LCLAT1: variants seen among roughly 807,000 people sequenced by gnomAD.
LCLAT1 encodes the protein 1-AGP acyltransferase 8.
A neutral mutation model predicts 30.7 loss-of-function variants in LCLAT1; 11 were observed. The ratio of observed to expected loss-of-function variants is 0.36; its 90% CI spans 0.23 to 0.59. LCLAT1 has a LOEUF of 0.59. Ranked by LOEUF, LCLAT1 falls within the 20% of genes least tolerant of loss-of-function variation. The probability of loss-of-function intolerance (pLI) is 0.77; values close to 1 mark genes in which losing one functional copy is unlikely to be tolerated. For synonymous variants in LCLAT1, 155 were observed against 151.3 expected (o/e 1.02, Z -0.18); for missense variants, 402 against 458.6 (o/e 0.88, Z 1.13).
chr2:30,526,323 C>T (rs1229693123), intron 2 of LCLAT1, among the ~76,000 whole-genome samples: 1 of 151,718 alleles, frequency 6.6e-6, no homozygotes, highest in Non-Finnish European at 1.5e-5. Context: ...TGTATTTTTT[C>T]CCTGTATTTT....
chr2:30,539,886 G>C (rs923794242), intron 3 of LCLAT1, among the ~76,000 whole-genome samples: 1 of 152,166 alleles, frequency 6.6e-6, no homozygotes, highest in Admixed American at 6.5e-5. Flanking sequence ...GTTTAAGAAT[G>C]TTAAATAATT....
In LCLAT1 at chr2:30,447,331, A is replaced by C. The variant is rs1236246207; in HGVS notation, c.-57A>C. The C allele has an allele frequency of 6.6e-6, 1 of 152,066 alleles. No individual in the cohort carries two copies. Among genetic ancestry groups the C allele is most frequent in the Non-Finnish European group, 1.5e-5 (1 of 68,082 alleles). The allele number at this position is 152,066 out of a possible 1,614,324, so 9.4% of individuals were successfully genotyped here. ...GAGGTTGTGACCCCTACGGAGCCCCAGCTTGCCCACGCACCCCACTCGGCG... is the reference window on the plus strand; with the variant it reads ...GAGGTTGTGACCCCTACGGAGCCCCCGCTTGCCCACGCACCCCACTCGGCG... On this transcript the variant is annotated 5_prime_UTR_variant, in exon 1 of 6. Coordinates refer to ENST00000379509, the MANE Select transcript of LCLAT1 (RefSeq NM_001002257.3).
intron 1 of LCLAT1, among the ~76,000 whole-genome samples, chr2:30,449,622 T>A (rs912146421): frequency 6.6e-6 from 1 of 151,942 alleles, no homozygotes; most frequent in Admixed American, 6.6e-5. Context: ...TGCCTCAGCC[T>A]CCTGAGTAGC....
intron 5 of LCLAT1, among the ~76,000 whole-genome samples, chr2:30,625,492 C>A (rs1327981431): frequency 6.6e-6 from 1 of 152,184 alleles, no homozygotes; most frequent in Non-Finnish European, 1.5e-5. Flanking sequence ...CTGAAGACAG[C>A]AGCTTGCCCC....
intron 1 of LCLAT1, among the ~76,000 whole-genome samples, chr2:30,467,539 T>C (rs1156722441): frequency 6.6e-6 from 1 of 152,224 alleles, no homozygotes; most frequent in African/African-American, 2.4e-5. Flanking sequence ...GTTGAACTAG[T>C]TTACAGTCCC....
chr2:30,519,495 G>T (rs559597898), intron 1 of LCLAT1, among the ~76,000 whole-genome samples: 33 of 152,240 alleles, frequency 2.2e-4, no homozygotes, highest in African/African-American at 7.5e-4. Context: ...CTGTTGAGAG[G>T]GGGGACTGAG....
intron 3 of LCLAT1, among the ~76,000 whole-genome samples, chr2:30,541,969 T>C (rs1298758647): frequency 1.3e-5 from 2 of 152,212 alleles, no homozygotes; most frequent in African/African-American, 2.4e-5. Flanking sequence ...CTCTTAAGAC[T>C]AGGGATTTTG....
intron 5 of LCLAT1, among the ~76,000 whole-genome samples, chr2:30,588,457 T>A (rs1216883786): frequency 6.6e-6 from 1 of 152,222 alleles, no homozygotes; most frequent in African/African-American, 2.4e-5. Flanking sequence ...GGAGAGTGGA[T>A]GAAAATTTAT....
In LCLAT1 at chr2:30,479,520, T is replaced by G. The variant is rs573847880; in HGVS notation, c.-5+32137T>G. Among the ~76,000 whole-genome samples the G allele has an allele frequency of 7.9e-5, 12 of 152,274 alleles. No individual in the cohort carries two copies. The South Asian group carries it at 2.5e-3, about 32-fold the overall frequency. On this transcript the variant is annotated intron_variant, in intron 1 of 5. Transcript: ENST00000379509. ...CCTCAGCCTCGCAAAGTGCTGAGAT[T>G]ATAGGTGTGAGCCACCATGCCTGGC...
intron 1 of LCLAT1, among the ~76,000 whole-genome samples, chr2:30,491,368 T>C (rs921153513): frequency 2.6e-5 from 4 of 152,232 alleles, no homozygotes; most frequent in African/African-American, 4.8e-5. Flanking sequence ...TCAATACTTA[T>C]CCTAAGGTAG....
At chr2:30,490,433 C>A (rs1440232075) in intron 1 of LCLAT1, among the ~76,000 whole-genome samples, 1 of 151,960 alleles carries the variant, frequency 6.6e-6, no homozygotes, top group Non-Finnish European at 1.5e-5. Flanking sequence ...CCTCGTGATC[C>A]GTCTGCCTCG....
chr2:30,562,283 G>C lies in LCLAT1; in HGVS notation c.502G>C (p.Asp168His). 6.2e-7 allele frequency: 1 copy of C among 1,607,390 alleles called. No homozygotes were observed. Among genetic ancestry groups the C allele is most frequent in the Non-Finnish European group, 8.5e-7 (1 of 1,175,556 alleles). ...LQLLIFPEGT[D>H]LTENSKSRSN... is the part of the protein sequence containing the mutation. ...ACTCCTCATATTCCCAGAAGGGACT[G>C]ATCTCACAGGTAATGTAGCCTGGGT... Residue 168 changes from aspartate to histidine, a missense_variant, in exon 4 of 6, where the codon GAT becomes CAT. Transcript: ENST00000379509.
intron 5 of LCLAT1, among the ~76,000 whole-genome samples, chr2:30,589,465 G>GA (rs914171820): frequency 6.8e-4 from 96 of 141,888 alleles, no homozygotes; most frequent in Middle Eastern, 3.5e-3. Context: ...ATGTTGAGGG[G>GA]AAAAAAAAAA....
At chr2:30,482,886 T>C (rs543078809) in intron 1 of LCLAT1, among the ~76,000 whole-genome samples, 9 of 152,126 alleles carry the variant, frequency 5.9e-5, no homozygotes, top group African/African-American at 2.2e-4. Flanking sequence ...TAAGATACAC[T>C]TGGGGTCCAG....
chr2:30,593,478 C>T (rs1666785177), intron 5 of LCLAT1, among the ~76,000 whole-genome samples: 1 of 152,134 alleles, frequency 6.6e-6, no homozygotes, highest in Non-Finnish European at 1.5e-5. Context: ...TGAAATCAAG[C>T]AGTGTGGTGC....
At chr2:30,559,376 C>G (rs1665087743) in intron 3 of LCLAT1, among the ~76,000 whole-genome samples, 1 of 152,214 alleles carries the variant, frequency 6.6e-6, no homozygotes, top group African/African-American at 2.4e-5. Flanking sequence ...AACACCAACT[C>G]AGTCATTACC....
At chr2:30,467,835 AT>A (rs1008876250) in intron 1 of LCLAT1, among the ~76,000 whole-genome samples, 1 of 152,190 alleles carries the variant, frequency 6.6e-6, no homozygotes, top group Admixed American at 6.5e-5. Flanking sequence ...GATTCTGGGT[AT>A]TAGCCCTTTG....
chr2:30,586,358 G>A (rs774973452), intron 5 of LCLAT1, among the ~76,000 whole-genome samples: 2 of 152,100 alleles, frequency 1.3e-5, no homozygotes, highest in East Asian at 1.9e-4. Flanking sequence ...TTGGGGAAGA[G>A]TCCTTCCTTG....
chr2:30,459,294 C>A (rs778983356), intron 1 of LCLAT1, among the ~76,000 whole-genome samples: 1 of 152,186 alleles, frequency 6.6e-6, no homozygotes, highest in East Asian at 1.9e-4. Flanking sequence ...CCAGTGTTAA[C>A]ATTTCAGCTG....
Sources: allele counts gnomAD v4.1 joint callset (sites outside exome capture counted in the v4.1 genomes callset), GRCh38; gene constraint gnomAD v4.1.1; transcripts MANE v1.5; gene names NCBI Gene and HGNC (gene_info 2026-07-23, HGNC 2026-07-21).